The following HGSNAT variants were observed in gnomAD, a reference collection of about 807,000 sequenced individuals.
HGSNAT encodes transmembrane protein 76.
In HGSNAT, 59 loss-of-function variants were observed where a neutral mutation model predicts 85.2. The observed-to-expected ratio is 0.69, with a 90% CI of 0.56 to 0.86. The LOEUF (loss-of-function observed/expected upper bound fraction) is 0.86. Among genes scored for constraint, HGSNAT ranks in the 40% least tolerant of loss-of-function variants. HGSNAT has a pLI of 0.00. For missense variants in HGSNAT, 756 were observed against 777.1 expected, an observed-to-expected ratio of 0.97 and a Z score of 0.32; for synonymous variants, 321 against 304.5, an observed-to-expected ratio of 1.05 and a Z score of -0.56.
intron 2 of HGSNAT, among the ~76,000 whole-genome samples, chr8:43,149,948 C>CTTTTA (rs1384081515): frequency 6.6e-6 from 1 of 150,694 alleles, no homozygotes; most frequent in Non-Finnish European, 1.5e-5. Context: ...GTAGAAAGAC[C>CTTTTA]TTTTATTTTA....
chr8:43,181,876 T>C (rs1375110509), intron 10 of HGSNAT: 4 of 473,920 alleles, frequency 8.4e-6, no homozygotes, highest in Non-Finnish European at 1.5e-5. Flanking sequence ...TTGGTTCTTA[T>C]CCCAGTCTCT....
chr8:43,149,494 C>T (rs1273038577), intron 2 of HGSNAT, among the ~76,000 whole-genome samples: 1 of 151,980 alleles, frequency 6.6e-6, no homozygotes, highest in African/African-American at 2.4e-5. Context: ...GTCAGGAGAT[C>T]GAGACCATCC....
intron 6 of HGSNAT, 88 bp from the exon 7 acceptor site, chr8:43,170,497 A>G (rs749606215): frequency 8.3e-7 from 1 of 1,201,152 alleles, no homozygotes; most frequent in Non-Finnish European, 1.2e-6. Context: ...AAAACAAAAC[A>G]AAACAAAACA....
At chr8:43,148,008 C>T (rs546595645) in intron 2 of HGSNAT, among the ~76,000 whole-genome samples, 9 of 152,210 alleles carry the variant, frequency 5.9e-5, no homozygotes, top group East Asian at 5.8e-4. Context: ...TTTGGGAGAC[C>T]GAGGTAGGGG....
At position 43,197,040 on chromosome 8, in the gene HGSNAT, T is replaced by C. The variant is rs762511702; in HGVS notation, c.1542+15T>C. On this transcript the variant is annotated intron_variant, in intron 15 of 17. Coordinates refer to ENST00000379644, the MANE Select transcript of HGSNAT (RefSeq NM_152419.3). Reference sequence around the variant, plus strand: ...GTTGTATTCTTGTAAGTAAGCAGCATTCCTCGCTAAAATTCCTTTCCTTCA... The same window carrying C: ...GTTGTATTCTTGTAAGTAAGCAGCACTCCTCGCTAAAATTCCTTTCCTTCA... 6.4e-7 allele frequency: 1 copy of C among 1,567,138 alleles called. No homozygotes were observed. The highest frequency in any genetic ancestry group is 1.1e-5 in the South Asian group (1 of 89,554).
intron 5 of HGSNAT, among the ~76,000 whole-genome samples, chr8:43,168,558 G>T (rs1803510125): frequency 6.6e-6 from 1 of 151,436 alleles, no homozygotes; most frequent in African/African-American, 2.4e-5. Flanking sequence ...CACCACATCT[G>T]GCTAATTTTT....
intron 6 of HGSNAT, 110 bp from the exon 7 acceptor site, chr8:43,170,475 G>A: frequency 9.8e-7 from 1 of 1,018,928 alleles, no homozygotes; most frequent in South Asian, 1.4e-5. Flanking sequence ...GCGAGACTCT[G>A]TCTCAAAAAA....
intron 13 of HGSNAT, among the ~76,000 whole-genome samples, chr8:43,193,486 G>A (rs1804608859): frequency 6.6e-6 from 1 of 152,188 alleles, no homozygotes; most frequent in Admixed American, 6.5e-5. Context: ...TGGAGCCAGC[G>A]CTGTTTGCTG....
At chr8:43,145,276 A>G (rs1563352990) in intron 1 of HGSNAT, among the ~76,000 whole-genome samples, 1 of 151,990 alleles carries the variant, frequency 6.6e-6, no homozygotes, top group Non-Finnish European at 1.5e-5. Context: ...CCTTCCTTCT[A>G]CTCTGTTGTT....
chr8:43,173,910 C>A, intron 9 of HGSNAT, 167 bp downstream of exon 9: 1 of 668,904 alleles, frequency 1.5e-6, no homozygotes, highest in Non-Finnish European at 2.5e-6. Flanking sequence ...AGTGCCTACA[C>A]GTGTGTATAA....
chr8:43,154,795 T>C (rs916670487), intron 2 of HGSNAT, among the ~76,000 whole-genome samples: 4 of 152,238 alleles, frequency 2.6e-5, no homozygotes, highest in African/African-American at 9.6e-5. Context: ...TGAACTAGTT[T>C]ACAGTCCTCC....
At position 43,189,602 on chromosome 8, in the gene HGSNAT, C is replaced by G. The variant is rs1421628248; in HGVS notation, c.1129-1872C>G. ...ACTTGGGGTGATGCTCCACCCTGCT[C>G]CGTGGGCTGTACCCACTGTCTGACA... On this transcript the variant is annotated intron_variant, in intron 11 of 17. Transcript: ENST00000379644. Among the ~76,000 whole-genome samples, 4 of 152,264 alleles carry G rather than the reference C, an allele frequency of 2.6e-5. No homozygotes were observed. In the East Asian group the frequency reaches 7.7e-4, roughly 29 times the overall value.
At chr8:43,165,925 G>A (rs932945320) in intron 5 of HGSNAT, among the ~76,000 whole-genome samples, 1 of 152,168 alleles carries the variant, frequency 6.6e-6, no homozygotes, top group African/African-American at 2.4e-5. Context: ...AAAGGAGCTA[G>A]ACTCTGTCTC....
At chr8:43,146,862 A>T (rs1354752605) in intron 1 of HGSNAT, 86 bp from the exon 2 acceptor site, 1 of 726,866 alleles carries the variant, frequency 1.4e-6, no homozygotes, top group Non-Finnish European at 2.3e-6. Context: ...TACTGGAAGC[A>T]ACTGTTCACA....
intron 11 of HGSNAT, among the ~76,000 whole-genome samples, chr8:43,184,754 G>A (rs2130789352): frequency 6.6e-6 from 1 of 152,288 alleles, no homozygotes; most frequent in South Asian, 2.1e-4. Context: ...TTCTTCTAGG[G>A]TTTTTATGGT....
Position 43,173,712 on chromosome 8 carries a change from G to A in HGSNAT, c.821-1G>A. On this transcript the variant is annotated splice_acceptor_variant, in intron 8 of 17. Transcript: ENST00000379644. LOFTEE classifies it high-confidence loss of function. ...GCTTATGCTTTGTACTTGTTCTGCA[G>A]GGCTGACAGTGGCTGACCTCGTGTT... 6.2e-7 allele frequency: 1 copy of A among 1,613,124 alleles called. No individual in the cohort carries two copies. The highest frequency in any genetic ancestry group is 8.5e-7 in the Non-Finnish European group (1 of 1,179,524).
chr8:43,171,035 A>C (rs1803609606), intron 7 of HGSNAT, among the ~76,000 whole-genome samples: 1 of 152,152 alleles, frequency 6.6e-6, no homozygotes, highest in Non-Finnish European at 1.5e-5. Context: ...GACGGCTCAG[A>C]AGATGCACTA....
intron 4 of HGSNAT, among the ~76,000 whole-genome samples, chr8:43,160,933 G>C (rs895775478): frequency 3.9e-5 from 6 of 152,150 alleles, no homozygotes; most frequent in Non-Finnish European, 8.8e-5. Context: ...GATGTTTGGT[G>C]TTTTCTCATG....
chr8:43,160,482 A>G (rs1803235405), intron 4 of HGSNAT, among the ~76,000 whole-genome samples: 1 of 152,242 alleles, frequency 6.6e-6, no homozygotes, highest in Admixed American at 6.5e-5. Flanking sequence ...TTAATTTCAT[A>G]TGACATTGTG....
Sources: allele counts gnomAD v4.1 joint callset (sites outside exome capture counted in the v4.1 genomes callset), GRCh38; gene constraint gnomAD v4.1.1; transcripts MANE v1.5; gene names NCBI Gene and HGNC (gene_info 2026-07-23, HGNC 2026-07-21).